The following CREBBP variants were observed in gnomAD, a reference collection of about 807,000 sequenced individuals.
The protein encoded by CREBBP is CREB binding lysine acetyltransferase.
Under a neutral mutation model 265.0 loss-of-function variants are expected in CREBBP, and 19 were observed. The ratio of observed to expected loss-of-function variants is 0.07; its 90% CI spans 0.05 to 0.11. The LOEUF is 0.11. CREBBP is among the 10% of genes least tolerant of loss of function. The pLI is 1.00. For missense variants in CREBBP, 2,525 were observed against 3,219.0 expected (o/e 0.78, Z 5.22); for synonymous variants, 1,457 against 1,223.7 (o/e 1.19, Z -3.98).
chr16:3,739,836 C>T lies in CREBBP; in HGVS notation c.4134-112G>A, dbSNP rs1261048666. ...CCACTGCAGATGAGCGGAGGCATGG[C>T]CACCTCCTCAGACCGTGGCCTGGAG... On this transcript the variant is annotated intron_variant, in intron 24 of 30. Transcript: ENST00000262367. 4 of 1,471,250 alleles carry T rather than the reference C, an allele frequency of 2.7e-6. No individual in the cohort carries two copies. The Admixed American group carries it at 5.1e-5, about 19-fold the overall frequency. The allele number at this position is 1,471,250 out of a possible 1,614,324, so 91.1% of individuals were successfully genotyped here. A position where few individuals can be genotyped will look rare whatever the true frequency, so the allele number is the denominator to read the frequency against.
intron 3 of CREBBP, among the ~76,000 whole-genome samples, chr16:3,798,120 G>A (rs1333359712): frequency 2.0e-5 from 3 of 152,166 alleles, no homozygotes; most frequent in African/African-American, 7.2e-5. Flanking sequence ...CACAGGCACT[G>A]GACAGCCCAG....
At chr16:3,827,392 T>C (rs1423205092) in intron 2 of CREBBP, among the ~76,000 whole-genome samples, 2 of 152,148 alleles carry the variant, frequency 1.3e-5, no homozygotes, top group African/African-American at 4.8e-5. Flanking sequence ...TACTTTTTAT[T>C]TTATTGATTG....
At chr16:3,877,055 CA>C (rs1389375601) in intron 1 of CREBBP, among the ~76,000 whole-genome samples, 7 of 152,156 alleles carry the variant, frequency 4.6e-5, no homozygotes, top group African/African-American at 1.7e-4. Flanking sequence ...CACTGCAGTC[CA>C]AGTAGATCCT....
At chr16:3,803,997 C>T (rs1051141027) in intron 3 of CREBBP, among the ~76,000 whole-genome samples, 2 of 151,502 alleles carry the variant, frequency 1.3e-5, no homozygotes, top group South Asian at 2.1e-4. Flanking sequence ...GTGGGAGGAT[C>T]GCTTGAGCCT....
chr16:3,738,289 T>C (rs945634790), intron 26 of CREBBP, among the ~76,000 whole-genome samples: 10 of 145,966 alleles, frequency 6.9e-5, no homozygotes, highest in Non-Finnish European at 1.5e-4. Context: ...AATTCTATGA[T>C]ATGTAAACTT....
chr16:3,791,620 T>C (rs542099804), intron 5 of CREBBP, among the ~76,000 whole-genome samples: 4 of 152,310 alleles, frequency 2.6e-5, no homozygotes, highest in African/African-American at 9.6e-5. Context: ...ACTGCCATTA[T>C]AGCGACATGG....
At position 3,726,243 on chromosome 16, in the gene CREBBP, G is replaced by GC. The variant is rs149315725; in HGVS notation, c.*1474_*1475insG. On this transcript the variant is annotated 3_prime_UTR_variant, in exon 31 of 31. Transcript: ENST00000262367. ...TCAGATTCTGGGAGTCGTGTACGGGGGGGGGGAGCCGCCTGAACACGGGAA... is the reference window on the plus strand; with the variant it reads ...TCAGATTCTGGGAGTCGTGTACGGGGCGGGGGGAGCCGCCTGAACACGGGAA... 0.021 allele frequency: 4,891 copies of GC among 232,784 alleles called. 271 individuals are homozygous for GC. The highest frequency in any genetic ancestry group is 0.14 in the East Asian group (2,328 of 16,552). 14.4% of individuals were successfully genotyped at this position (232,784 alleles called of 1,614,324 possible). A position where few individuals can be genotyped will look rare whatever the true frequency, so the allele number is the denominator to read the frequency against.
chr16:3,793,009 CACGTGCCTGT>C lies in CREBBP; in HGVS notation c.1216+367_1216+376del, dbSNP rs2053537147. ...GGGATGCAGGAAGGGCGTGTGCCTG[CACGTGCCTGT>C]GCTATGTTCATTGCCCCAAAAGAAA... On this transcript the variant is annotated intron_variant, in intron 4 of 30. Coordinates refer to ENST00000262367, the MANE Select transcript of CREBBP (RefSeq NM_004380.3). 2.6e-5 allele frequency among the ~76,000 whole-genome samples: 4 copies of C among 152,340 alleles called. No individual in the cohort carries two copies. In the South Asian group the frequency reaches 8.3e-4, roughly 32 times the overall value.
intron 20 of CREBBP, among the ~76,000 whole-genome samples, chr16:3,751,488 A>C (rs1181779293): frequency 6.6e-6 from 1 of 151,992 alleles, no homozygotes; most frequent in African/African-American, 2.4e-5. Flanking sequence ...GCTACTTGAG[A>C]GGCTGAGAAA....
At chr16:3,756,878 G>A (rs113496965) in intron 19 of CREBBP, among the ~76,000 whole-genome samples, 53 of 152,228 alleles carry the variant, frequency 3.5e-4, no homozygotes, top group African/African-American at 6.3e-4. Context: ...GTTTTAGAAC[G>A]GGCAGGGCTG....
At position 3,870,489 on chromosome 16, in the gene CREBBP, G is replaced by A. The variant is rs560708115; in HGVS notation, c.85+9343C>T. On this transcript the variant is annotated intron_variant, in intron 1 of 30. Coordinates refer to ENST00000262367, the MANE Select transcript of CREBBP (RefSeq NM_004380.3). ...TGTTCTGAAGCAATAACTAGAAACA[G>A]AGTTCCATTTAATTAAGAGTTCAAT... Among the ~76,000 whole-genome samples, 135 of 152,282 alleles carry A rather than the reference G, an allele frequency of 8.9e-4. 1 individual carries two copies. Among genetic ancestry groups the A allele is most frequent in the African/African-American group, 3.1e-3 (129 of 41,574 alleles).
intron 21 of CREBBP, among the ~76,000 whole-genome samples, chr16:3,746,358 A>AC (rs2052342461): frequency 1.3e-5 from 2 of 151,754 alleles, no homozygotes; most frequent in African/African-American, 4.8e-5. Context: ...GTGAAAAAAA[A>AC]AACACACACA....
intron 2 of CREBBP, among the ~76,000 whole-genome samples, chr16:3,820,831 A>G (rs2054128195): frequency 6.6e-6 from 1 of 152,166 alleles, no homozygotes; most frequent in Admixed American, 6.5e-5. Flanking sequence ...CTGTGTACAC[A>G]CACACACAGC....
At chr16:3,833,432 A>T (rs1240118462) in intron 2 of CREBBP, among the ~76,000 whole-genome samples, 2 of 152,136 alleles carry the variant, frequency 1.3e-5, no homozygotes, top group African/African-American at 2.4e-5. Context: ...CAAAACAAAC[A>T]AACAAAACAT....
intron 16 of CREBBP, among the ~76,000 whole-genome samples, chr16:3,759,822 C>T: frequency 6.6e-6 from 1 of 152,156 alleles, no homozygotes; most frequent in Non-Finnish European, 1.5e-5. Flanking sequence ...CTGCCTACTA[C>T]ACTCTCTGTT....
chr16:3,761,520 G>C, intron 16 of CREBBP: 1 of 518,252 alleles, frequency 1.9e-6, no homozygotes, highest in Non-Finnish European at 3.9e-6. Context: ...GAAAACAGGC[G>C]CACCAAGAAC....
At chr16:3,870,059 G>A (rs8050913) in intron 1 of CREBBP, among the ~76,000 whole-genome samples, 4,083 of 152,094 alleles carry the variant, frequency 0.027, 156 homozygotes, top group African/African-American at 0.09. Context: ...TAAAGGTGAC[G>A]TTCTGAATAT....
In CREBBP at chr16:3,728,671, C is replaced by G. The variant is rs200780672; in HGVS notation, c.6376G>C (p.Gly2126Arg). 1.7e-5 allele frequency: 28 copies of G among 1,613,606 alleles called. No homozygotes were observed. Among genetic ancestry groups the G allele is most frequent in the Non-Finnish European group, 2.4e-5 (28 of 1,179,820 alleles). Residue 2126 changes from glycine (G) to arginine (R), a missense_variant, in exon 31 of 31, where the codon GGC becomes CGC. Physicochemically the swap from Gly to Arg is moderately radical, Grantham distance 125. This residue lies in a region of CREBBP where 473 missense variants were observed against 459.3 expected (regional missense o/e 1.03). Transcript: ENST00000262367. This position sits in a 1 kb window ranked among gnomAD's most constrained non-coding sequence, Gnocchi z 8.7. ...QPQPGLQSQPGMQPQPGMHQQ... is the reference protein window; with the variant it reads ...QPQPGLQSQPRMQPQPGMHQQ... ...TGCATGCCAGGCTGGGGTTGCATGC[C>G]GGGCTGGGACTGGAGGCCAGGCTGG...
chr16:3,770,957 G>A lies in CREBBP; in HGVS notation c.2493C>T (p.Asn831=), dbSNP rs753521921. Residue 831 remains asparagine (N), a synonymous_variant, in exon 14 of 31, where the codon AAC becomes AAT. Transcript: ENST00000262367. ...CCTGAGGCCCCAGCATGTTGAGAGGGTTAGGAAGAGCAGCACCAGGCACCT... is the reference window on the plus strand; with the variant it reads ...CCTGAGGCCCCAGCATGTTGAGAGGATTAGGAAGAGCAGCACCAGGCACCT... ...QGQVPGAALP[N]PLNMLGPQAS... 5 of 1,613,546 alleles carry A rather than the reference G, an allele frequency of 3.1e-6. No homozygotes were observed. Among genetic ancestry groups the A allele is most frequent in the East Asian group, 2.2e-5 (1 of 44,888 alleles).
Sources: allele counts gnomAD v4.1 joint callset (sites outside exome capture counted in the v4.1 genomes callset), GRCh38; gene constraint gnomAD v4.1.1; regional missense constraint gnomAD v4.1.1; non-coding constraint Gnocchi (gnomAD v3.1); transcripts MANE v1.5; gene names NCBI Gene and HGNC (gene_info 2026-07-23, HGNC 2026-07-21).